The following LRRIQ1 variants were observed in gnomAD, a reference collection of about 807,000 sequenced individuals.
The protein encoded by LRRIQ1 is leucine-rich repeat- and IQ domain-containing protein 1.
Under a neutral mutation model 211.9 loss-of-function variants are expected in LRRIQ1, and 210 were observed. The observed-to-expected ratio is 0.99, with a 90% CI of 0.89 to 1.11. The LOEUF (loss-of-function observed/expected upper bound fraction) is 1.11, where lower values mean the gene tolerates loss of function less well. LRRIQ1 is among the 50% of genes most tolerant of loss of function. LRRIQ1 has a pLI of 0.00. For missense variants in LRRIQ1, 2,136 were observed against 1,939.5 expected (o/e 1.10, Z -1.90); for synonymous variants, 699 against 650.1 (o/e 1.08, Z -1.14).
chr12:85,170,581 G>C (rs1050134675), intron 24 of LRRIQ1, among the ~76,000 whole-genome samples: 1 of 150,820 alleles, frequency 6.6e-6, no homozygotes, highest in Non-Finnish European at 1.5e-5. Flanking sequence ...ATATGTATAT[G>C]GTTAAATTTT....
chr12:85,062,815 C>A (rs921793541), intron 8 of LRRIQ1, among the ~76,000 whole-genome samples: 1 of 151,778 alleles, frequency 6.6e-6, no homozygotes, highest in African/African-American at 2.4e-5. Flanking sequence ...TATATCTCTA[C>A]CAACAATGAA....
intron 11 of LRRIQ1, among the ~76,000 whole-genome samples, chr12:85,074,417 C>G (rs1030856070): frequency 6.6e-6 from 1 of 151,686 alleles, no homozygotes; most frequent in African/African-American, 2.4e-5. Context: ...GTATCTATCC[C>G]CTCAAAGATT....
chr12:85,129,430 G>T (rs918554052), intron 18 of LRRIQ1, among the ~76,000 whole-genome samples: 2 of 152,130 alleles, frequency 1.3e-5, no homozygotes, highest in African/African-American at 4.8e-5. Flanking sequence ...AAAAATCTTT[G>T]TAGCTTACAT....
rs1288400615 is a variant in LRRIQ1 at position 85,195,409 on chromosome 12, G to C, written c.4823-34108G>C. Among the ~76,000 whole-genome samples the C allele has an allele frequency of 3.3e-5, 5 of 151,856 alleles. No individual in the cohort carries two copies. In the East Asian group the frequency reaches 9.7e-4, roughly 29 times the overall value. ...TAGACCAATATCCTTGATGAACATTGATGCAAAAATCCTCAATAAAATACT... is the reference window on the plus strand; with the variant it reads ...TAGACCAATATCCTTGATGAACATTCATGCAAAAATCCTCAATAAAATACT... On this transcript the variant is annotated intron_variant, in intron 24 of 26. Coordinates refer to ENST00000393217, the MANE Select transcript of LRRIQ1 (RefSeq NM_001079910.2).
chr12:85,095,984 A>G (rs1275046857), intron 11 of LRRIQ1, among the ~76,000 whole-genome samples: 1 of 151,892 alleles, frequency 6.6e-6, no homozygotes, highest in African/African-American at 2.4e-5. Context: ...GATATTTTGT[A>G]TTTCTGTGGG....
intron 24 of LRRIQ1, among the ~76,000 whole-genome samples, chr12:85,166,246 C>T (rs1891152290): frequency 6.6e-6 from 1 of 152,144 alleles, no homozygotes. Context: ...TAGTCTGGCG[C>T]AACAACTTTC....
intron 11 of LRRIQ1, among the ~76,000 whole-genome samples, chr12:85,087,120 G>T (rs570977972): frequency 9.9e-5 from 15 of 152,034 alleles, no homozygotes; most frequent in African/African-American, 3.4e-4. Context: ...AGGCCCTGGT[G>T]TGTGATGTCC....
intron 11 of LRRIQ1, among the ~76,000 whole-genome samples, chr12:85,076,319 A>G (rs1243552710): frequency 6.6e-6 from 1 of 151,892 alleles, no homozygotes; most frequent in African/African-American, 2.4e-5. Flanking sequence ...TATTTCTTTT[A>G]TTAAATATTG....
At chr12:85,132,755 C>A (rs183300101) in intron 18 of LRRIQ1, among the ~76,000 whole-genome samples, 2 of 150,776 alleles carry the variant, frequency 1.3e-5, no homozygotes, top group African/African-American at 4.9e-5. Flanking sequence ...GAGTGAGACC[C>A]TGTCTCAAAA....
At chr12:85,206,585 G>C in intron 24 of LRRIQ1, among the ~76,000 whole-genome samples, 1 of 152,088 alleles carries the variant, frequency 6.6e-6, no homozygotes. Context: ...ATGGGGGTGA[G>C]GGGGTGCTCC....
chr12:85,249,559 T>C (rs1281267811), downstream of LRRIQ1, among the ~76,000 whole-genome samples: 3 of 151,894 alleles, frequency 2.0e-5, no homozygotes, highest in Non-Finnish European at 4.4e-5. Flanking sequence ...ATACCTACAA[T>C]GTGAAAATCA....
rs1893795644 is a variant in LRRIQ1, at chr12:85,210,676, C to T, written c.4823-18841C>T. 2.0e-5 allele frequency among the ~76,000 whole-genome samples: 3 copies of T among 152,126 alleles called. No homozygotes were observed. The South Asian group carries it at 6.2e-4, about 31-fold the overall frequency. On this transcript the variant is annotated intron_variant, in intron 24 of 26. Coordinates refer to ENST00000393217, the MANE Select transcript of LRRIQ1 (RefSeq NM_001079910.2). The stretch of plus-strand genomic sequence containing the variant: ...TCATTGGTTTCGTATACAAGATGTA[C>T]TTAGTGTTGGGAGACCGATCTCCAT...
intron 17 of LRRIQ1, 102 bp downstream of exon 17, chr12:85,124,621 C>A: frequency 1.1e-6 from 1 of 883,792 alleles, no homozygotes; most frequent in Non-Finnish European, 1.7e-6. Context: ...GGATTCAAAT[C>A]ACAATCATAT....
At chr12:85,196,232 G>T (rs933723609) in intron 24 of LRRIQ1, among the ~76,000 whole-genome samples, 4 of 151,974 alleles carry the variant, frequency 2.6e-5, no homozygotes, top group Non-Finnish European at 5.9e-5. Context: ...AATCAATATC[G>T]TGAAAATGGC....
At chr12:85,101,877 G>C (rs1886374707) in intron 13 of LRRIQ1, among the ~76,000 whole-genome samples, 1 of 151,326 alleles carries the variant, frequency 6.6e-6, no homozygotes, top group Admixed American at 6.6e-5. Flanking sequence ...AAAAATTGTT[G>C]GTTATTTGCA....
rs141311889 is a variant in LRRIQ1, at chr12:85,056,231, A to G, written c.1438A>G (p.Met480Val). The change falls in exon 8 of 27, where the codon ATG (methionine) becomes GTG (valine). Residue 480 changes from methionine to valine, a missense_variant. Transcript: ENST00000393217. Reference protein sequence around the residue: ...SSQTILADFKMEEKNENLAKK... With the variant: ...SSQTILADFKVEEKNENLAKK... ...CCAAACAATTCTGGCAGATTTTAAA[A>G]TGGAAGAAAAAAATGAAAACCTAGC... 1.0e-4 allele frequency: 165 copies of G among 1,571,518 alleles called. No homozygotes were observed. In the African/African-American group the frequency reaches 2.0e-3, roughly 19 times the overall value.
At chr12:85,055,380 G>A (rs1222377443) in intron 7 of LRRIQ1, among the ~76,000 whole-genome samples, 167 bp from the exon 8 acceptor site, 3 of 151,874 alleles carry the variant, frequency 2.0e-5, no homozygotes, top group Non-Finnish European at 4.4e-5. Context: ...TATTAAAAAA[G>A]TAATACCCTT....
rs181957969 is a variant in LRRIQ1 at position 85,089,934 on chromosome 12, G to A, written c.2888-8421G>A. On this transcript the variant is annotated intron_variant, in intron 11 of 26. Coordinates refer to ENST00000393217, the MANE Select transcript of LRRIQ1 (RefSeq NM_001079910.2). ...GCCAAGACAATAAGGAAAAAGCTAC[G>A]AAGGCATTACAGCGATCTAAGAGGC... Among the ~76,000 whole-genome samples, 99 of 152,288 alleles carry A rather than the reference G, an allele frequency of 6.5e-4. No homozygotes were observed. The Middle Eastern group carries it at 0.01, about 16-fold the overall frequency.
At chr12:85,261,679 C>A (rs2137338207) in intron 1 of LRRIQ1, among the ~76,000 whole-genome samples, 1 of 152,024 alleles carries the variant, frequency 6.6e-6, no homozygotes, top group South Asian at 2.1e-4. Flanking sequence ...ACTTCCAAAC[C>A]CTTTCCCCAC....
Sources: gnomAD v4.1 joint callset for allele counts (sites outside exome capture counted in the v4.1 genomes callset) on GRCh38, gnomAD v4.1.1 for gene constraint, MANE v1.5 for transcripts, NCBI Gene and HGNC (gene_info 2026-07-23, HGNC 2026-07-21) for gene names.